The following SCN1A variants were observed in gnomAD, a reference collection of about 807,000 sequenced individuals.
SCN1A encodes sodium channel protein type 1 subunit alpha.
Under a neutral mutation model 193.7 loss-of-function variants are expected in SCN1A, and 13 were observed. The ratio of observed to expected loss-of-function variants is 0.07; its 90% CI spans 0.04 to 0.11. The LOEUF is 0.11. Among genes scored for constraint, SCN1A ranks in the 10% least tolerant of loss-of-function variants. The probability of loss-of-function intolerance (pLI) is 1.00; values close to 1 mark genes in which losing one functional copy is unlikely to be tolerated. For missense variants in SCN1A, 1,432 were observed against 2,451.1 expected, an observed-to-expected ratio of 0.58 and a Z score of 8.78; for synonymous variants, 781 against 843.6, an observed-to-expected ratio of 0.93 and a Z score of 1.29.
intron 2 of SCN1A, among the ~76,000 whole-genome samples, chr2:166,104,546 C>A (rs1256478960): frequency 6.6e-6 from 1 of 152,026 alleles, no homozygotes; most frequent in Non-Finnish European, 1.5e-5. Flanking sequence ...AGCTCGACAC[C>A]AGCCTGGGCA....
At position 166,074,084 on chromosome 2, in the gene SCN1A, C is replaced by T. The variant is rs1203779729; in HGVS notation, c.-49-414G>A. On this transcript the variant is annotated intron_variant, in intron 3 of 28. Coordinates refer to ENST00000674923, the MANE Select transcript of SCN1A (RefSeq NM_001165963.4). ...AATTGTCTCTGAGAGGACATAAAAT[C>T]TAACCCTCTAGGTCTGACAAGTGAT... 4.6e-5 allele frequency among the ~76,000 whole-genome samples: 7 copies of T among 152,174 alleles called. No homozygotes were observed. The East Asian group carries it at 1.4e-3, about 29-fold the overall frequency.
chr2:165,999,832 G>A, intron 24 of SCN1A, 56 bp from the exon 25 acceptor site: 1 of 1,187,784 alleles, frequency 8.4e-7, no homozygotes, highest in Non-Finnish European at 1.3e-6. Context: ...TAGACCTGAT[G>A]TTTAATAAAT....
chr2:166,043,962 C>T lies in SCN1A; in HGVS notation c.1750G>A (p.Val584Met), dbSNP rs1446864595. ...TCTGCGAAGTCGTTCTCAGATCCCA[C>T]ATCCTTTGCTCGCCCTCTAAAGCTG... is the stretch of plus-strand genomic sequence containing the variant. ...LFSFRGRAKD[V>M]GSENDFADDE... is the part of the protein sequence containing the mutation. Residue 584 changes from valine (V) to methionine (M), a missense_variant, in exon 14 of 29, where the codon GTG (valine) becomes ATG (methionine). Physicochemically the swap from Val to Met is conservative, Grantham distance 21 (BLOSUM62 1). Around this residue, in one of 18 missense-constraint regions of SCN1A, gnomAD observed 316 missense variants for 362.1 expected, o/e 0.87. Transcript: ENST00000674923. 2 of 1,614,178 alleles carry T rather than the reference C, an allele frequency of 1.2e-6. No individual in the cohort carries two copies. Among genetic ancestry groups the T allele is most frequent in the South Asian group, 1.1e-5 (1 of 91,090 alleles).
chr2:166,069,060 T>TGAAAAAAAGTCCCGTGAGG (rs1254642210), intron 4 of SCN1A, among the ~76,000 whole-genome samples: 3 of 151,864 alleles, frequency 2.0e-5, no homozygotes, highest in Non-Finnish European at 2.9e-5. Flanking sequence ...AAGGAAACTG[T>TGAAAAAAAGTCCCGTGAGG]GAAAAAAAGT....
In SCN1A at chr2:166,043,874, C is replaced by G. The variant is rs755323236; in HGVS notation, c.1838G>C (p.Arg613Pro). ...SRRDSLFVPR[R>P]HGERRNSNLS... Reference sequence around the variant, plus strand: ...GTTGCTGTTGCGTCTCTCTCCGTGTCGTCGGGGCACAAACAAGGAATCTCT... The same window carrying G: ...GTTGCTGTTGCGTCTCTCTCCGTGTGGTCGGGGCACAAACAAGGAATCTCT... The change falls in exon 14 of 29, where the codon CGA becomes CCA. Residue 613 changes from arginine to proline, a missense_variant. Transcript: ENST00000674923. The G allele has an allele frequency of 1.9e-6, 3 of 1,614,150 alleles. No individual in the cohort carries two copies. The highest frequency in any genetic ancestry group is 1.7e-5 in the Admixed American group (1 of 60,012).
chr2:165,993,980 A>C, intron 28 of SCN1A, 166 bp downstream of exon 28: 1 of 632,078 alleles, frequency 1.6e-6, no homozygotes, highest in Non-Finnish European at 2.8e-6. Flanking sequence ...CAATACTGAC[A>C]TATAGTAGGA....
downstream of SCN1A, chr2:165,985,416 T>G: frequency 9.2e-5 from 12 of 130,946 alleles, no homozygotes; most frequent in East Asian, 4.4e-4. Context: ...AGGAAGAGAA[T>G]GGAAGGAAAG....
chr2:166,028,829 G>A (rs773621059), intron 19 of SCN1A, among the ~76,000 whole-genome samples: 16 of 152,166 alleles, frequency 1.1e-4, no homozygotes, highest in Admixed American at 2.0e-4. Flanking sequence ...TGCCCTCGTC[G>A]GTTCACAATC....
chr2:166,103,925 AGTG>A (rs1559338657), intron 2 of SCN1A, among the ~76,000 whole-genome samples: 1 of 152,218 alleles, frequency 6.6e-6, no homozygotes, highest in African/African-American at 2.4e-5. Context: ...TAGCTAGAGC[AGTG>A]TATAGCTAGA....
rs1349611874 is a variant in SCN1A, at chr2:165,986,690, A to G, written c.*4555T>C. On this transcript the variant is annotated 3_prime_UTR_variant, in exon 29 of 29. Transcript: ENST00000674923. ...ACGCAGACATAGGCACTTCAGTAAC[A>G]CACAGCAAAAAAAAAAAAAAAATCC... 1 of 66,946 alleles carries G rather than the reference A, an allele frequency of 1.5e-5. No individual in the cohort carries two copies. The highest frequency in any genetic ancestry group is 3.1e-5 in the Non-Finnish European group (1 of 32,778). 4.1% of individuals were successfully genotyped at this position (66,946 alleles called of 1,614,324 possible). A position where few individuals can be genotyped will look rare whatever the true frequency, so the allele number is the denominator to read the frequency against.
chr2:166,050,701 A>G (rs773103916), intron 9 of SCN1A, among the ~76,000 whole-genome samples: 8 of 142,492 alleles, frequency 5.6e-5, no homozygotes, highest in Non-Finnish European at 9.2e-5. Context: ...CTGGTCTCAA[A>G]CTCCTGGCCT....
At chr2:166,004,698 C>A (rs1463975190) in intron 23 of SCN1A, among the ~76,000 whole-genome samples, 1 of 151,484 alleles carries the variant, frequency 6.6e-6, no homozygotes, top group African/African-American at 2.4e-5. Flanking sequence ...GTCATCTATA[C>A]TTCATGCCAC....
intron 5 of SCN1A, among the ~76,000 whole-genome samples, chr2:166,057,103 G>T (rs1158896830): frequency 6.6e-6 from 1 of 152,038 alleles, no homozygotes; most frequent in Non-Finnish European, 1.5e-5. Flanking sequence ...TTAACATGAT[G>T]GGAATGTAAT....
intron 19 of SCN1A, among the ~76,000 whole-genome samples, chr2:166,034,969 A>T (rs1168100891): frequency 6.6e-6 from 1 of 152,184 alleles, no homozygotes; most frequent in African/African-American, 2.4e-5. Context: ...TTTCTGGACT[A>T]TGAGAAAATA....
chr2:166,069,269 A>G (rs970689130), intron 4 of SCN1A, among the ~76,000 whole-genome samples: 1 of 152,188 alleles, frequency 6.6e-6, no homozygotes, highest in Non-Finnish European at 1.5e-5. Flanking sequence ...GGAACTCTGA[A>G]GGCTTAAAAC....
chr2:166,056,812 G>A (rs918644393), intron 5 of SCN1A, among the ~76,000 whole-genome samples: 3 of 152,060 alleles, frequency 2.0e-5, no homozygotes, highest in African/African-American at 2.4e-5. Context: ...TCAGTGGGAA[G>A]ACTATTTTTG....
intron 25 of SCN1A, 64 bp from the exon 26 acceptor site, chr2:165,998,239 G>T: frequency 7.3e-7 from 1 of 1,363,646 alleles, no homozygotes; most frequent in Non-Finnish European, 1.0e-6. Context: ...TGTCACTGGT[G>T]CTTTTTCATA....
rs1413432075 is a variant in SCN1A, at chr2:166,100,344, C to T, written c.-141-22543G>A. On this transcript the variant is annotated intron_variant, in intron 2 of 28. Coordinates refer to ENST00000674923, the MANE Select transcript of SCN1A (RefSeq NM_001165963.4). ...GCTGAAACTGGATCCCTTCCTTACACCTTATACAAAAATCAATTCAAGATG... is the reference window on the plus strand; with the variant it reads ...GCTGAAACTGGATCCCTTCCTTACATCTTATACAAAAATCAATTCAAGATG... 2.2e-5 allele frequency among the ~76,000 whole-genome samples: 3 copies of T among 138,246 alleles called. No individual in the cohort carries two copies. In the Admixed American group the frequency reaches 2.2e-4, roughly 10 times the overall value. The allele number at this position is 138,246 out of a possible 152,430, so 90.7% of individuals were successfully genotyped here.
chr2:166,108,025 C>T lies in SCN1A; in HGVS notation c.-142+18899G>A, dbSNP rs371013986. On this transcript the variant is annotated intron_variant, in intron 2 of 28. Transcript: ENST00000674923. ...GAAGACAACCCACAGATTGAAAGAA[C>T]GTATTTGCAAATCATATATCTGATA... 3.3e-4 allele frequency among the ~76,000 whole-genome samples: 50 copies of T among 151,928 alleles called. 1 individual carries two copies. In the South Asian group the frequency reaches 0.01, roughly 31 times the overall value.
Sources: gnomAD v4.1 joint callset for allele counts (sites outside exome capture counted in the v4.1 genomes callset) on GRCh38, gnomAD v4.1.1 for gene constraint, gnomAD v4.1.1 regional missense constraint, MANE v1.5 for transcripts, NCBI Gene and HGNC (gene_info 2026-07-23, HGNC 2026-07-21) for gene names.